DRD2: variants seen among roughly 807,000 people sequenced by gnomAD.
DRD2 encodes D(2) dopamine receptor.
A neutral mutation model predicts 38.0 loss-of-function variants in DRD2; 8 were observed. The ratio of observed to expected loss-of-function variants is 0.21; its 90% CI spans 0.12 to 0.38. The LOEUF (loss-of-function observed/expected upper bound fraction) is 0.38, where lower values mean the gene tolerates loss of function less well. DRD2 is among the 10% of genes least tolerant of loss of function. DRD2 has a pLI of 1.00. For missense variants in DRD2, 403 were observed against 607.7 expected (o/e 0.66, Z 3.54); for synonymous variants, 230 against 238.6 (o/e 0.96, Z 0.33).
chr11:113,471,894 A>G (rs899412452), intron 1 of DRD2, among the ~76,000 whole-genome samples: 1 of 152,150 alleles, frequency 6.6e-6, no homozygotes, highest in Non-Finnish European at 1.5e-5. Context: ...GTTCTAAGCT[A>G]TTTTCAAGAC....
Position 113,415,480 on chromosome 11 carries a change from G to T in DRD2, c.664C>A (p.Arg222=), listed in dbSNP as rs758555712. 4 of 1,614,136 alleles carry T rather than the reference G, an allele frequency of 2.5e-6. No individual in the cohort carries two copies. The highest frequency in any genetic ancestry group is 1.7e-6 in the Non-Finnish European group (2 of 1,180,018). The stretch of plus-strand genomic sequence containing the variant: ...CGGCTGCTGCGTTTGGTGTTGACTC[G>T]CTTGCGGCGTCTGCGGAGGACAATG... ...IYIVLRRRRK[R]VNTKRSSRAF... Residue 222 remains arginine (R), a synonymous_variant, in exon 5 of 8, where the codon CGA becomes AGA. Coordinates refer to ENST00000362072, the MANE Select transcript of DRD2 (RefSeq NM_000795.4).
At chr11:113,433,579 T>G (rs1367801129) in intron 1 of DRD2, among the ~76,000 whole-genome samples, 1 of 152,112 alleles carries the variant, frequency 6.6e-6, no homozygotes, top group Non-Finnish European at 1.5e-5. Context: ...CTGGAGTTCT[T>G]CAGAGGCAGC....
At chr11:113,414,280 C>T (rs1950799805) in intron 6 of DRD2, 95 bp downstream of exon 6, 5 of 1,193,148 alleles carry the variant, frequency 4.2e-6, no homozygotes, top group Non-Finnish European at 6.3e-6. Context: ...GGGTGCTTCT[C>T]CCATTGGCCA....
At chr11:113,457,936 C>T (rs1951282237) in intron 1 of DRD2, among the ~76,000 whole-genome samples, 1 of 152,266 alleles carries the variant, frequency 6.6e-6, no homozygotes, top group African/African-American at 2.4e-5. Flanking sequence ...GGCTGTTCCC[C>T]AGTGGGTGGG....
Position 113,412,707 on chromosome 11 carries a change from C to T in DRD2, c.987G>A (p.Gly329=), listed in dbSNP as rs764278862. The T allele has an allele frequency of 2.5e-6, 4 of 1,614,216 alleles. No homozygotes were observed. The highest frequency in any genetic ancestry group is 1.1e-5 in the South Asian group (1 of 91,088). The change falls in exon 7 of 8, where the codon GGG becomes GGA. Residue 329 remains glycine, a synonymous_variant. Coordinates refer to ENST00000362072, the MANE Select transcript of DRD2 (RefSeq NM_000795.4). ...CAATCTTGGGGTGGTCTTTGGCATGCCCATTCTTCTCTGGTTTGGCGGGGC... is the reference window on the plus strand; with the variant it reads ...CAATCTTGGGGTGGTCTTTGGCATGTCCATTCTTCTCTGGTTTGGCGGGGC... The part of the protein sequence containing the change: ...PDSPAKPEKN[G]HAKDHPKIAK...
chr11:113,427,104 G>T (rs1950947742), intron 1 of DRD2, among the ~76,000 whole-genome samples: 2 of 152,186 alleles, frequency 1.3e-5, no homozygotes, highest in Non-Finnish European at 2.9e-5. Context: ...TTGATAGTTT[G>T]CTAAGTTTTT....
intron 1 of DRD2, among the ~76,000 whole-genome samples, chr11:113,435,637 C>A (rs1951028350): frequency 6.6e-6 from 1 of 150,700 alleles, no homozygotes; most frequent in South Asian, 2.1e-4. Context: ...CTCCCCCCGC[C>A]CCCCCACTTT....
intron 1 of DRD2, among the ~76,000 whole-genome samples, chr11:113,468,417 T>A (rs1951390232): frequency 6.6e-6 from 1 of 152,264 alleles, no homozygotes; most frequent in Non-Finnish European, 1.5e-5. Context: ...TGAACACGAT[T>A]ATTACAGTCC....
intron 7 of DRD2, among the ~76,000 whole-genome samples, chr11:113,412,312 C>A (rs1950776643): frequency 6.6e-6 from 1 of 152,182 alleles, no homozygotes; most frequent in Admixed American, 6.5e-5. Context: ...AGTCAGACTG[C>A]CTGAGTTCAA....
chr11:113,465,001 T>A (rs1591303810), intron 1 of DRD2, among the ~76,000 whole-genome samples: 1 of 152,178 alleles, frequency 6.6e-6, no homozygotes, highest in African/African-American at 2.4e-5. Context: ...TGCCCCTCCC[T>A]AGATCAGGCT....
intron 1 of DRD2, among the ~76,000 whole-genome samples, chr11:113,469,897 A>T (rs921127417): frequency 6.6e-6 from 1 of 152,204 alleles, no homozygotes; most frequent in Non-Finnish European, 1.5e-5. Flanking sequence ...ATGTAAAAAC[A>T]AGGGTTCCTA....
chr11:113,459,465 T>C (rs1467911254), intron 1 of DRD2, among the ~76,000 whole-genome samples: 1 of 152,196 alleles, frequency 6.6e-6, no homozygotes, highest in Non-Finnish European at 1.5e-5. Flanking sequence ...TAACTATACC[T>C]AAGCTGCCAG....
At chr11:113,472,031 C>T (rs1012145657) in intron 1 of DRD2, among the ~76,000 whole-genome samples, 2 of 152,200 alleles carry the variant, frequency 1.3e-5, no homozygotes, top group Non-Finnish European at 2.9e-5. Flanking sequence ...GGTGTTGAGG[C>T]ACCTTCACTG....
chr11:113,426,116 G>T (rs1184476127), intron 1 of DRD2, among the ~76,000 whole-genome samples: 1 of 152,128 alleles, frequency 6.6e-6, no homozygotes, highest in Non-Finnish European at 1.5e-5. Context: ...CGAGGATGGA[G>T]AGACCTGTTC....
chr11:113,438,837 C>G (rs548483272), intron 1 of DRD2, among the ~76,000 whole-genome samples: 32 of 152,330 alleles, frequency 2.1e-4, no homozygotes, highest in African/African-American at 7.2e-4. Context: ...TTGGCAGACT[C>G]TATCAGGTAT....
intron 1 of DRD2, among the ~76,000 whole-genome samples, chr11:113,453,840 G>T (rs974149101): frequency 3.9e-5 from 6 of 152,288 alleles, no homozygotes; most frequent in African/African-American, 1.4e-4. Flanking sequence ...ACAGAGCTTT[G>T]TATGTGATAG....
At chr11:113,447,597 C>CG (rs1565673318) in intron 1 of DRD2, 1 of 152,128 alleles carries the variant, frequency 6.6e-6, no homozygotes, top group Non-Finnish European at 1.5e-5. Context: ...CAAACACACA[C>CG]GGGTTTGGTG....
intron 1 of DRD2, among the ~76,000 whole-genome samples, chr11:113,433,123 G>A (rs992377936): frequency 6.6e-6 from 1 of 152,134 alleles, no homozygotes; most frequent in Non-Finnish European, 1.5e-5. Context: ...AAAAAAAGGA[G>A]GGGGAGGAGA....
At chr11:113,466,484 T>C (rs770875926) in intron 1 of DRD2, among the ~76,000 whole-genome samples, 1 of 152,178 alleles carries the variant, frequency 6.6e-6, no homozygotes, top group African/African-American at 2.4e-5. Context: ...AACCATTCAA[T>C]ATTCCCCAAC....
Sources: allele counts gnomAD v4.1 joint callset (sites outside exome capture counted in the v4.1 genomes callset), GRCh38; gene constraint gnomAD v4.1.1; transcripts MANE v1.5; gene names NCBI Gene and HGNC (gene_info 2026-07-23, HGNC 2026-07-21).